HPSE2: variants seen among roughly 807,000 people sequenced by gnomAD.
HPSE2 encodes the protein inactive heparanase-2.
A neutral mutation model predicts 60.5 loss-of-function variants in HPSE2; 38 were observed. That is an observed-to-expected ratio of 0.63 (90% CI 0.48 to 0.82). The LOEUF is 0.82. Among genes scored for constraint, HPSE2 ranks in the 40% least tolerant of loss-of-function variants. The pLI is 0.00. For synonymous variants in HPSE2, 295 were observed against 293.2 expected (o/e 1.01, Z -0.06); for missense variants, 713 against 740.4 (o/e 0.96, Z 0.43).
intron 2 of HPSE2, among the ~76,000 whole-genome samples, chr10:99,174,124 A>AG (rs762113675): frequency 1.2e-4 from 19 of 152,208 alleles, no homozygotes; most frequent in Non-Finnish European, 2.1e-4. Flanking sequence ...TTCTAACAAA[A>AG]GTGAACATTT....
chr10:98,801,687 GGA>G (rs1466514356), intron 3 of HPSE2, among the ~76,000 whole-genome samples: 1 of 151,752 alleles, frequency 6.6e-6, no homozygotes, highest in African/African-American at 2.4e-5. Context: ...TGAAAAAAAT[GGA>G]AAAGGACACA....
At chr10:98,669,986 G>A (rs1565065617) in intron 6 of HPSE2, among the ~76,000 whole-genome samples, 1 of 152,168 alleles carries the variant, frequency 6.6e-6, no homozygotes, top group African/African-American at 2.4e-5. Flanking sequence ...TTTGACATTG[G>A]GGCAGAGTCC....
chr10:98,912,293 C>T (rs1954000134), intron 3 of HPSE2, among the ~76,000 whole-genome samples: 1 of 152,156 alleles, frequency 6.6e-6, no homozygotes, highest in African/African-American at 2.4e-5. Flanking sequence ...CCTAGTAGAA[C>T]AGAATCTTCC....
chr10:98,917,399 A>T (rs913065215), intron 3 of HPSE2, among the ~76,000 whole-genome samples: 1 of 152,176 alleles, frequency 6.6e-6, no homozygotes, highest in East Asian at 1.9e-4. Flanking sequence ...GTGGAAAAAA[A>T]CTCAGCAATA....
At chr10:98,927,341 T>C (rs1217446504) in intron 3 of HPSE2, among the ~76,000 whole-genome samples, 1 of 151,874 alleles carries the variant, frequency 6.6e-6, no homozygotes, top group African/African-American at 2.4e-5. Flanking sequence ...TAAAAGAGGA[T>C]ACAAACAAAT....
chr10:98,700,366 C>G (rs1252113204), intron 5 of HPSE2, among the ~76,000 whole-genome samples: 2,084 of 133,110 alleles, frequency 0.016, 36 homozygotes, highest in South Asian at 0.036. Context: ...TGATCTTTGA[C>G]AAACCTGAGA....
At chr10:98,674,239 A>G (rs562241634) in intron 6 of HPSE2, among the ~76,000 whole-genome samples, 1 of 152,378 alleles carries the variant, frequency 6.6e-6, no homozygotes, top group African/African-American at 2.4e-5. Flanking sequence ...TGTGCATGCA[A>G]GAACTTCTAT....
Position 98,560,849 on chromosome 10 carries a change from C to T in HPSE2, c.1320+54055G>A, listed in dbSNP as rs1047558938. ...TGTTTGTGGTAATCATGGTAAAAAACAAAACTACTGCACAGCCAGTTGTAC... is the reference window on the plus strand; with the variant it reads ...TGTTTGTGGTAATCATGGTAAAAAATAAAACTACTGCACAGCCAGTTGTAC... On this transcript the variant is annotated intron_variant, in intron 9 of 11. Transcript: ENST00000370552. Among the ~76,000 whole-genome samples, 4 of 124,472 alleles carry T rather than the reference C, an allele frequency of 3.2e-5. No homozygotes were observed. In the South Asian group the frequency reaches 9.8e-4, roughly 30 times the overall value. 81.7% of individuals were successfully genotyped at this position (124,472 alleles called of 152,430 possible). A position where few individuals can be genotyped will look rare whatever the true frequency, so the allele number is the denominator to read the frequency against.
intron 3 of HPSE2, among the ~76,000 whole-genome samples, chr10:99,113,015 T>G (rs1429417960): frequency 6.6e-6 from 1 of 152,164 alleles, no homozygotes; most frequent in East Asian, 1.9e-4. Flanking sequence ...ACTTAAGGAC[T>G]TACTTCTTTT....
chr10:99,042,183 A>G (rs2135477596), intron 3 of HPSE2, among the ~76,000 whole-genome samples: 1 of 151,930 alleles, frequency 6.6e-6, no homozygotes. Flanking sequence ...GGAGGAAACC[A>G]AGAGCCTGAC....
chr10:98,846,912 C>A (rs1343224364), intron 3 of HPSE2, among the ~76,000 whole-genome samples: 1 of 152,072 alleles, frequency 6.6e-6, no homozygotes, highest in African/African-American at 2.4e-5. Context: ...CACTTAAAGT[C>A]CAGGAGACAA....
At chr10:98,698,081 C>T (rs1479731591) in intron 5 of HPSE2, among the ~76,000 whole-genome samples, 27 of 145,362 alleles carry the variant, frequency 1.9e-4, no homozygotes, top group South Asian at 2.5e-4. Flanking sequence ...GACAGATCAA[C>T]GAGACAGAAA....
intron 3 of HPSE2, among the ~76,000 whole-genome samples, chr10:98,907,668 T>C (rs1273449652): frequency 1.3e-5 from 2 of 152,174 alleles, no homozygotes; most frequent in Admixed American, 6.5e-5. Context: ...GATCTGGATT[T>C]AAATCCTGAT....
Position 99,235,532 on chromosome 10 carries a change from C to A in HPSE2, c.271G>T (p.Gly91Cys). The A allele has an allele frequency of 6.2e-7, 1 of 1,614,014 alleles. No individual in the cohort carries two copies. Among genetic ancestry groups the A allele is most frequent in the Non-Finnish European group, 8.5e-7 (1 of 1,180,010 alleles). ...LQLDPSIIHD[G>C]WLDFLSSKRL... ...CCTTACCTTAGGAAATCGAGCCAGC[C>A]ATCATGAATGATGGACGGATCCAGC... The change falls in exon 1 of 12, where the codon GGC (glycine) becomes TGC (cysteine). Residue 91 changes from glycine (G) to cysteine (C), a missense_variant. Physicochemically the swap from Gly to Cys is radical, Grantham distance 159. Coordinates refer to ENST00000370552, the MANE Select transcript of HPSE2 (RefSeq NM_021828.5).
At chr10:99,244,808 C>T in the HPSE2 span, among the ~76,000 whole-genome samples, 2 of 151,980 alleles carry the variant, frequency 1.3e-5, no homozygotes, top group East Asian at 3.9e-4. Context: ...TAATCAAAAT[C>T]AGCTGACAGA....
chr10:98,759,608 G>T lies in HPSE2; in HGVS notation c.611-15552C>A, dbSNP rs143267841. On this transcript the variant is annotated intron_variant, in intron 3 of 11. Coordinates refer to ENST00000370552, the MANE Select transcript of HPSE2 (RefSeq NM_021828.5). ...TTAAAGATCAGTTGACTAAAAATGT[G>T]TGGGTTTATTGCTGGGTTCTCTGTT... is the stretch of plus-strand genomic sequence containing the variant. 3.0e-4 allele frequency among the ~76,000 whole-genome samples: 45 copies of T among 152,212 alleles called. 1 individual carries two copies. In the East Asian group the frequency reaches 8.7e-3, roughly 29 times the overall value.
intron 3 of HPSE2, among the ~76,000 whole-genome samples, chr10:98,909,084 C>T (rs1008168137): frequency 2.6e-5 from 4 of 152,096 alleles, no homozygotes; most frequent in African/African-American, 7.2e-5. Flanking sequence ...TTTGAGGCAA[C>T]AAAATGGTGG....
At chr10:98,885,857 G>A (rs1252330179) in intron 3 of HPSE2, among the ~76,000 whole-genome samples, 1 of 151,996 alleles carries the variant, frequency 6.6e-6, no homozygotes, top group Non-Finnish European at 1.5e-5. Context: ...CCAAACCTGT[G>A]TATCTCTGAG....
chr10:98,928,535 C>T (rs1954546517), intron 3 of HPSE2, among the ~76,000 whole-genome samples: 1 of 106,254 alleles, frequency 9.4e-6, no homozygotes, highest in Admixed American at 9.3e-5. Context: ...AAGACACATG[C>T]ACACGTATGT....
Sources: gnomAD v4.1 joint callset for allele counts (sites outside exome capture counted in the v4.1 genomes callset) on GRCh38, gnomAD v4.1.1 for gene constraint, MANE v1.5 for transcripts, NCBI Gene and HGNC (gene_info 2026-07-23, HGNC 2026-07-21) for gene names.